The following GAS2L2 variants were observed in gnomAD, a reference collection of about 807,000 sequenced individuals.
GAS2L2 encodes the protein growth arrest specific 2 like 2.
Under a neutral mutation model 35.2 loss-of-function variants are expected in GAS2L2, and 21 were observed. The ratio of observed to expected loss-of-function variants is 0.60; its 90% CI spans 0.42 to 0.86. The LOEUF (loss-of-function observed/expected upper bound fraction) is 0.86, where lower values mean the gene tolerates loss of function less well. Ranked by LOEUF, GAS2L2 falls within the 40% of genes least tolerant of loss-of-function variation. GAS2L2 has a pLI of 0.00. For missense variants in GAS2L2, 1,169 were observed against 1,144.4 expected (o/e 1.02, Z -0.31); for synonymous variants, 490 against 473.2 (o/e 1.04, Z -0.46).
intron 1 of GAS2L2, 124 bp from the exon 2 acceptor site, chr17:35,750,442 T>G: frequency 7.6e-7 from 1 of 1,321,426 alleles, no homozygotes; most frequent in Non-Finnish European, 1.1e-6. Flanking sequence ...GCAGCAGACA[T>G]GGGGAGTGGT....
At chr17:35,747,348 G>T (rs2085675643) in intron 4 of GAS2L2, 80 bp from the exon 5 acceptor site, 3 of 1,457,990 alleles carry the variant, frequency 2.1e-6, no homozygotes, top group African/African-American at 1.4e-5. Context: ...CTCCCCCAGT[G>T]GTCCCATGCC....
Position 35,744,772 on chromosome 17 carries a change from C to A in GAS2L2, c.*82G>T. The A allele has an allele frequency of 9.5e-7, 1 of 1,058,066 alleles. No individual in the cohort carries two copies. Among genetic ancestry groups the A allele is most frequent in the Non-Finnish European group, 1.4e-6 (1 of 724,808 alleles). 65.5% of individuals were successfully genotyped at this position (1,058,066 alleles called of 1,614,324 possible). ...GCCCTGTGTGGAGGTGAGGGAACAT[C>A]CCTTCTGTTCCCGCAGCTGTGAATC... On this transcript the variant is annotated 3_prime_UTR_variant, in exon 6 of 6. Transcript: ENST00000604641.
At position 35,753,074 on chromosome 17, in the gene GAS2L2, C is replaced by T. The variant is rs1372289127; in HGVS notation, c.-224G>A. Among the ~76,000 whole-genome samples the T allele has an allele frequency of 6.6e-6, 1 of 152,224 alleles. No homozygotes were observed. The highest frequency in any genetic ancestry group is 1.5e-5 in the Non-Finnish European group (1 of 68,032). ...ATTCCTCAGTCCTTGCCAGAGCTTT[C>T]CCTGGTGGCCCTGCAGCAACCTTGC... On this transcript the variant is annotated 5_prime_UTR_variant, in exon 1 of 6. Coordinates refer to ENST00000604641, the MANE Select transcript of GAS2L2 (RefSeq NM_139285.4).
At position 35,747,116 on chromosome 17, in the gene GAS2L2, A is replaced by T; in HGVS notation, c.985T>A (p.Ser329Thr). 1 of 1,613,592 alleles carries T rather than the reference A, an allele frequency of 6.2e-7. No homozygotes were observed. The highest frequency in any genetic ancestry group is 8.5e-7 in the Non-Finnish European group (1 of 1,179,726). ...PPVDWKTYTSSDRRLRPPTPS... is the reference protein window; with the variant it reads ...PPVDWKTYTSTDRRLRPPTPS... ...GTGGGGGGCCTCAGCCTTCGGTCTG[A>T]AGAGGTATATGTCTTCCAGTCCACA... The change falls in exon 5 of 6, where the codon TCA becomes ACA. Residue 329 changes from serine to threonine, a missense_variant. Ser to Thr is a moderately conservative substitution (Grantham distance 58, BLOSUM62 1). Transcript: ENST00000604641.
In GAS2L2 at chr17:35,749,125, G is replaced by A. The variant is rs2085687572; in HGVS notation, c.720C>T (p.Thr240=). 1.2e-6 allele frequency: 2 copies of A among 1,611,234 alleles called. No homozygotes were observed. The highest frequency in any genetic ancestry group is 8.5e-7 in the Non-Finnish European group (1 of 1,177,464). Reference sequence around the variant, plus strand: ...CTGGACTTACCCGGATGAAGATGAGGGTGTTGGAGTCACCCACACGGTACT... The same window carrying A: ...CTGGACTTACCCGGATGAAGATGAGAGTGTTGGAGTCACCCACACGGTACT... ...EGKYRVGDSN[T]LIFIRILRNH... is the part of the protein sequence containing the mutation. Residue 240 remains threonine (T), a synonymous_variant, in exon 3 of 6, where the codon ACC becomes ACT. Coordinates refer to ENST00000604641, the MANE Select transcript of GAS2L2 (RefSeq NM_139285.4).
rs1017367436 is a variant in GAS2L2, at chr17:35,747,030, C to T, written c.1071G>A (p.Met357Ile). The T allele has an allele frequency of 6.3e-7, 1 of 1,579,978 alleles. No individual in the cohort carries two copies. Among genetic ancestry groups the T allele is most frequent in the Non-Finnish European group, 8.6e-7 (1 of 1,162,292 alleles). ...RGAGTGASRE[M>I]APFLRCQERS... ...CTTCCCCATACCTCAGGAATGGTGCCATCTCTCTGGAGGCCCCCGTCCCTG... is the reference window on the plus strand; with the variant it reads ...CTTCCCCATACCTCAGGAATGGTGCTATCTCTCTGGAGGCCCCCGTCCCTG... Residue 357 changes from methionine (M) to isoleucine (I), a missense_variant, in exon 5 of 6, where the codon ATG (methionine) becomes ATA (isoleucine). Coordinates refer to ENST00000604641, the MANE Select transcript of GAS2L2 (RefSeq NM_139285.4).
rs1555599113 is a variant in GAS2L2, at chr17:35,747,219, A to T, written c.882T>A (p.His294Gln). ...FLKPPAPPVQ[H>Q]EVRVQDGPSQ... ...AGGGTCCATCCTGTACCCTTACTTC[A>T]TGCTGCACTGGTGGGGCCGGGGGCT... Residue 294 changes from histidine (H) to glutamine (Q), a missense_variant, in exon 5 of 6, where the codon CAT becomes CAA. By Grantham distance (24) the His-to-Gln change is conservative. Coordinates refer to ENST00000604641, the MANE Select transcript of GAS2L2 (RefSeq NM_139285.4). The T allele has an allele frequency of 5.6e-6, 9 of 1,613,622 alleles. No homozygotes were observed. In the South Asian group the frequency reaches 9.9e-5, roughly 18 times the overall value.
rs587724852 is a variant in GAS2L2, at chr17:35,747,823, A to G, written c.832+26T>C. On this transcript the variant is annotated intron_variant, in intron 4 of 5. Transcript: ENST00000604641. ...GCTAGGCCTCTTCAACCAACCCCAC[A>G]GGGAGAGGGCCCTCAGGGGACTCAC... 7 of 1,598,172 alleles carry G rather than the reference A, an allele frequency of 4.4e-6. No individual in the cohort carries two copies. The Admixed American group carries it at 5.0e-5, about 11-fold the overall frequency.
At chr17:35,749,983 G>A (rs1178391238) in intron 2 of GAS2L2, 94 bp downstream of exon 2, 4 of 1,144,040 alleles carry the variant, frequency 3.5e-6, no homozygotes, top group African/African-American at 3.1e-5. Flanking sequence ...AGCTCAAGAA[G>A]GGGGTGGGTT....
chr17:35,750,467 C>T (rs1024551580), intron 1 of GAS2L2, 149 bp from the exon 2 acceptor site: 21 of 1,132,380 alleles, frequency 1.9e-5, no homozygotes, highest in Non-Finnish European at 2.5e-5. Context: ...GTCTCAGAAT[C>T]TTGGGGTCAA....
chr17:35,746,552 T>C (rs1025662935), intron 5 of GAS2L2, 141 bp from the exon 6 acceptor site: 3 of 468,448 alleles, frequency 6.4e-6, no homozygotes, highest in Non-Finnish European at 3.5e-6. Flanking sequence ...GAATGAAACC[T>C]ATGCTCCCTC....
chr17:35,744,715 T>A lies in GAS2L2; in HGVS notation c.*139A>T. ...TTTGCTCAGATGAGCAGATGGAGTC[T>A]ATATTTGTCTTCTGACCCACTCCTG... On this transcript the variant is annotated 3_prime_UTR_variant, in exon 6 of 6. Transcript: ENST00000604641. 1 of 670,748 alleles carries A rather than the reference T, an allele frequency of 1.5e-6. No homozygotes were observed. The highest frequency in any genetic ancestry group is 2.5e-6 in the Non-Finnish European group (1 of 396,674). The allele number at this position is 670,748 out of a possible 1,614,324, so 41.5% of individuals were successfully genotyped here. A position where few individuals can be genotyped will look rare whatever the true frequency, so the allele number is the denominator to read the frequency against.
chr17:35,747,396 C>T, intron 4 of GAS2L2, 128 bp from the exon 5 acceptor site: 2 of 1,102,852 alleles, frequency 1.8e-6, no homozygotes, highest in Non-Finnish European at 2.6e-6. Flanking sequence ...CCTACAGTGG[C>T]AACACCGGAG....
At chr17:35,747,995 TC>T (rs1555599285) in intron 3 of GAS2L2, 50 bp from the exon 4 acceptor site, 1 of 1,438,338 alleles carries the variant, frequency 7.0e-7, no homozygotes. Context: ...CAGCCCCTCT[TC>T]CTGGACCAGC....
At position 35,749,216 on chromosome 17, in the gene GAS2L2, A is replaced by C; in HGVS notation, c.629T>G (p.Val210Gly). The C allele has an allele frequency of 1.6e-5, 25 of 1,609,636 alleles. No homozygotes were observed. The highest frequency in any genetic ancestry group is 2.0e-5 in the Non-Finnish European group (24 of 1,177,104). The change falls in exon 3 of 6, where the codon GTG becomes GGG. Residue 210 changes from valine (V) to glycine (G), a missense_variant and splice_region_variant. Coordinates refer to ENST00000604641, the MANE Select transcript of GAS2L2 (RefSeq NM_139285.4). ...CGTGCAGTGGCTCACAAGGCTCTGC[A>C]CCTGCGGGCGGGTGGTGAACTCAGC... ...PCHFRNLDQM[V>G]QSLVSHCTCP... is the part of the protein sequence containing the mutation.
At chr17:35,750,354 C>A (rs1555599632) in intron 1 of GAS2L2, 36 bp from the exon 2 acceptor site, 3 of 1,613,400 alleles carry the variant, frequency 1.9e-6, no homozygotes, top group Non-Finnish European at 8.5e-7. Flanking sequence ...GCAGAGGCAG[C>A]GTGAGCCCCC....
rs372416670 is a variant in GAS2L2, at chr17:35,746,103, G to C, written c.1394C>G (p.Ala465Gly). The change falls in exon 6 of 6, where the codon GCC (alanine) becomes GGC (glycine). Residue 465 changes from alanine (A) to glycine (G), a missense_variant. By Grantham distance (60) the Ala-to-Gly change is moderately conservative. Transcript: ENST00000604641. ...PSPLPRSFGPAECLGLRLPLR... is the reference protein window; with the variant it reads ...PSPLPRSFGPGECLGLRLPLR... ...TGGCAGCCTGAGGCCCAGGCACTCG[G>C]CTGGGCCAAAGGAACGAGGCAGGGG... 4 of 1,515,698 alleles carry C rather than the reference G, an allele frequency of 2.6e-6. No individual in the cohort carries two copies. The African/African-American group carries it at 4.2e-5, about 16-fold the overall frequency. The allele number at this position is 1,515,698 out of a possible 1,614,324, so 93.9% of individuals were successfully genotyped here. A position where few individuals can be genotyped will look rare whatever the true frequency, so the allele number is the denominator to read the frequency against.
chr17:35,751,055 C>T (rs2085700420), intron 1 of GAS2L2, among the ~76,000 whole-genome samples: 1 of 152,192 alleles, frequency 6.6e-6, no homozygotes, highest in East Asian at 1.9e-4. Context: ...CCAGGCCTGA[C>T]CCTTTCCCCA....
rs782632924 is a variant in GAS2L2 at position 35,746,091 on chromosome 17, C to T, written c.1406G>A (p.Gly469Asp). 6.6e-7 allele frequency: 1 copy of T among 1,517,580 alleles called. No homozygotes were observed. Among genetic ancestry groups the T allele is most frequent in the East Asian group, 2.3e-5 (1 of 43,990 alleles). The allele number at this position is 1,517,580 out of a possible 1,614,324, so 94.0% of individuals were successfully genotyped here. A position where few individuals can be genotyped will look rare whatever the true frequency, so the allele number is the denominator to read the frequency against. ...PRSFGPAECL[G>D]LRLPLRDEAK... The stretch of plus-strand genomic sequence containing the variant: ...CTCATCCCGGAGTGGCAGCCTGAGG[C>T]CCAGGCACTCGGCTGGGCCAAAGGA... The change falls in exon 6 of 6, where the codon GGC becomes GAC. Residue 469 changes from glycine to aspartate, a missense_variant. Physicochemically the swap from Gly to Asp is moderately conservative, Grantham distance 94. Around this residue, in one of 3 missense-constraint regions of GAS2L2, gnomAD observed 1,035 missense variants for 976.5 expected, o/e 1.06. Transcript: ENST00000604641.
Sources: allele counts gnomAD v4.1 joint callset (sites outside exome capture counted in the v4.1 genomes callset), GRCh38; gene constraint gnomAD v4.1.1; regional missense constraint gnomAD v4.1.1; transcripts MANE v1.5; gene names NCBI Gene and HGNC (gene_info 2026-07-23, HGNC 2026-07-21).